Variants in CNOT6L observed in about 807,000 individuals in gnomAD.
CNOT6L encodes the protein CCR4-NOT transcription complex subunit 6 like, also known as CCR4-NOT transcription complex subunit 6-like.
CNOT6L carries 7 observed loss-of-function variants against 64.0 expected under a neutral mutation model. The ratio of observed to expected loss-of-function variants is 0.11; its 90% CI spans 0.06 to 0.21. CNOT6L has a LOEUF of 0.21. Among genes scored for constraint, CNOT6L ranks in the 10% least tolerant of loss-of-function variants. The pLI is 1.00. For missense variants in CNOT6L, 245 were observed against 669.0 expected, an observed-to-expected ratio of 0.37 and a Z score of 6.99; for synonymous variants, 193 against 243.4, an observed-to-expected ratio of 0.79 and a Z score of 1.93.
intron 4 of CNOT6L, among the ~76,000 whole-genome samples, chr4:77,769,986 T>C (rs537943850): frequency 1.1e-4 from 17 of 152,312 alleles, no homozygotes; most frequent in African/African-American, 3.8e-4. Flanking sequence ...GAGAATTGCT[T>C]CTACTTATGC....
intron 1 of CNOT6L, among the ~76,000 whole-genome samples, chr4:77,776,756 TC>T (rs1361832765): frequency 1.3e-5 from 2 of 152,180 alleles, no homozygotes; most frequent in East Asian, 3.8e-4. Context: ...TATCCTCCTT[TC>T]CTCAGTGATA....
At position 77,731,519 on chromosome 4, in the gene CNOT6L, G is replaced by C; in HGVS notation, c.892C>G (p.His298Asp). The change falls in exon 9 of 12, where the codon CAT becomes GAT. Residue 298 changes from histidine to aspartate, a missense_variant. By Grantham distance (81) the His-to-Asp change is moderately conservative. This residue lies in a region of CNOT6L where 94 missense variants were observed against 290.9 expected (regional missense o/e 0.32). Transcript: ENST00000504123. ...KTEKFTLVQKHTVEFNQVAMA... is the reference protein window; with the variant it reads ...KTEKFTLVQKDTVEFNQVAMA... ...GCCACTTGGTTAAATTCCACTGTAT[G>C]CTTCTGCACCAATGTAAATCTAAAA... is the stretch of plus-strand genomic sequence containing the variant. The C allele has an allele frequency of 6.3e-7, 1 of 1,584,814 alleles. No individual in the cohort carries two copies. The highest frequency in any genetic ancestry group is 8.6e-7 in the Non-Finnish European group (1 of 1,169,326).
chr4:77,766,005 C>T (rs1726777302), intron 4 of CNOT6L, among the ~76,000 whole-genome samples: 1 of 152,122 alleles, frequency 6.6e-6, no homozygotes, highest in African/African-American at 2.4e-5. Context: ...TTTTCTCTGA[C>T]CCAGGAATCT....
At chr4:77,794,628 A>C (rs1418121721) in intron 1 of CNOT6L, among the ~76,000 whole-genome samples, 1 of 152,246 alleles carries the variant, frequency 6.6e-6, no homozygotes, top group African/African-American at 2.4e-5. Context: ...GAATTTACTT[A>C]GCCTGATAAA....
chr4:77,786,531 T>C (rs1432925286), intron 1 of CNOT6L, among the ~76,000 whole-genome samples: 1 of 152,108 alleles, frequency 6.6e-6, no homozygotes, highest in Non-Finnish European at 1.5e-5. Flanking sequence ...TGGAGTACAG[T>C]GGGATTGTCA....
intron 4 of CNOT6L, among the ~76,000 whole-genome samples, chr4:77,762,485 T>A (rs138142678): frequency 5.1e-4 from 78 of 152,242 alleles, no homozygotes; most frequent in African/African-American, 1.8e-3. Context: ...TTTCAACAAA[T>A]AGTGCTAGAA....
chr4:77,721,736 G>C (rs1454331778), intron 11 of CNOT6L, among the ~76,000 whole-genome samples: 1 of 152,060 alleles, frequency 6.6e-6, no homozygotes, highest in Non-Finnish European at 1.5e-5. Flanking sequence ...TTTGGGAAGT[G>C]GGGGCAAGAG....
At chr4:77,729,413 C>T (rs1489931924) in intron 9 of CNOT6L, among the ~76,000 whole-genome samples, 6 of 152,168 alleles carry the variant, frequency 3.9e-5, no homozygotes, top group Admixed American at 3.9e-4. Flanking sequence ...GTTACCTAAA[C>T]CTCAATTTAA....
At chr4:77,772,174 A>G (rs1020181401) in intron 4 of CNOT6L, among the ~76,000 whole-genome samples, 1 of 152,200 alleles carries the variant, frequency 6.6e-6, no homozygotes, top group Non-Finnish European at 1.5e-5. Context: ...TTTATCTACC[A>G]TGTCAAAAGC....
At chr4:77,819,429 C>A (rs1446911495), upstream of CNOT6L, 156 of 1,590,240 alleles carry the variant, frequency 9.8e-5, no homozygotes, top group Admixed American at 1.4e-4. Context: ...AGAGCCGCGG[C>A]CGCAGACGCA....
intron 1 of CNOT6L, among the ~76,000 whole-genome samples, chr4:77,794,212 T>C (rs1019184529): frequency 6.7e-6 from 1 of 149,718 alleles, no homozygotes; most frequent in Admixed American, 6.6e-5. Flanking sequence ...GATTATAGTC[T>C]TATAGTCTGG....
intron 1 of CNOT6L, among the ~76,000 whole-genome samples, chr4:77,794,877 C>T (rs1025347091): frequency 1.3e-5 from 2 of 151,890 alleles, no homozygotes; most frequent in African/African-American, 2.4e-5. Context: ...GTAAAAAATC[C>T]TATAGAATCT....
At chr4:77,739,906 A>T (rs540643501) in intron 8 of CNOT6L, among the ~76,000 whole-genome samples, 1 of 152,324 alleles carries the variant, frequency 6.6e-6, no homozygotes, top group East Asian at 1.9e-4. Flanking sequence ...TTGTTAAGGA[A>T]TTTTAGATTT....
chr4:77,754,834 T>G lies in CNOT6L; in HGVS notation c.490+2028A>C, dbSNP rs553297463. ...AACCTAATCAATAAATGGCTCAGAG[T>G]CAATATAAAATACATATGGAAAAGT... On this transcript the variant is annotated intron_variant, in intron 5 of 11. Transcript: ENST00000504123. Among the ~76,000 whole-genome samples, 4 of 88,818 alleles carry G rather than the reference T, an allele frequency of 4.5e-5. No homozygotes were observed. The South Asian group carries it at 1.2e-3, about 27-fold the overall frequency. The allele number at this position is 88,818 out of a possible 152,430, so 58.3% of individuals were successfully genotyped here.
intron 4 of CNOT6L, among the ~76,000 whole-genome samples, chr4:77,760,619 A>G (rs1726094067): frequency 6.6e-6 from 1 of 151,962 alleles, no homozygotes; most frequent in Admixed American, 6.6e-5. Flanking sequence ...CAGTTTGAAA[A>G]AGAGGCAATA....
At chr4:77,771,194 G>A (rs1002028827) in intron 4 of CNOT6L, among the ~76,000 whole-genome samples, 2 of 152,022 alleles carry the variant, frequency 1.3e-5, no homozygotes, top group African/African-American at 4.8e-5. Context: ...GGTGGTGCAC[G>A]CCCAGCTACT....
rs72864947 is a variant in CNOT6L at position 77,753,283 on chromosome 4, T to C, written c.490+3579A>G. The stretch of plus-strand genomic sequence containing the variant: ...AAATAAGGAAATACTTAAATAAATT[T>C]TACAAAACCAGTGTAACTTTAATAT... On this transcript the variant is annotated intron_variant, in intron 5 of 11. Coordinates refer to ENST00000504123, the MANE Select transcript of CNOT6L (RefSeq NM_144571.3). 5.8e-4 allele frequency among the ~76,000 whole-genome samples: 88 copies of C among 151,484 alleles called. 1 individual carries two copies. Among genetic ancestry groups the C allele is most frequent in the African/African-American group, 2.0e-3 (84 of 41,356 alleles).
chr4:77,739,890 A>G (rs957921880), intron 8 of CNOT6L, among the ~76,000 whole-genome samples: 1 of 152,232 alleles, frequency 6.6e-6, no homozygotes, highest in Admixed American at 6.5e-5. Context: ...AACTACTTCT[A>G]GTAAATTGTT....
intron 5 of CNOT6L, among the ~76,000 whole-genome samples, chr4:77,752,450 G>T (rs906634712): frequency 8.5e-5 from 13 of 152,230 alleles, no homozygotes; most frequent in African/African-American, 2.6e-4. Context: ...TTCTTCTCAA[G>T]TGCATACTTA....
Sources: allele counts gnomAD v4.1 joint callset (sites outside exome capture counted in the v4.1 genomes callset), GRCh38; gene constraint gnomAD v4.1.1; regional missense constraint gnomAD v4.1.1; transcripts MANE v1.5; gene names NCBI Gene and HGNC (gene_info 2026-07-23, HGNC 2026-07-21).